The following GPHN variants were observed in gnomAD, a reference collection of about 807,000 sequenced individuals.
The protein encoded by GPHN is gephyrin.
Under a neutral mutation model 95.5 loss-of-function variants are expected in GPHN, and 17 were observed. That is an observed-to-expected ratio of 0.18 (90% CI 0.12 to 0.27). The LOEUF (loss-of-function observed/expected upper bound fraction) is 0.27, where lower values mean the gene tolerates loss of function less well. Among genes scored for constraint, GPHN ranks in the 10% least tolerant of loss-of-function variants. GPHN has a pLI of 1.00. For synonymous variants in GPHN, 320 were observed against 322.5 expected (o/e 0.99, Z 0.08); for missense variants, 660 against 978.1 (o/e 0.67, Z 4.34).
At chr14:67,607,349 C>T in the GPHN span, among the ~76,000 whole-genome samples, 1 of 152,000 alleles carries the variant, frequency 6.6e-6, no homozygotes, top group Non-Finnish European at 1.5e-5. Flanking sequence ...AGAACATGAA[C>T]ATGAGCTTTG....
Position 66,508,450 on chromosome 14 carries a change from C to T in GPHN, c.-78C>T. ...TCCCTAGCTGTCGCGCTCTCCTCGG[C>T]GAGCGCGCTCCCGGCCCGCGCGCTC... On this transcript the variant is annotated 5_prime_UTR_variant, in exon 1 of 23. Coordinates refer to ENST00000478722, the MANE Select transcript of GPHN (RefSeq NM_020806.5). 3 of 1,326,236 alleles carry T rather than the reference C, an allele frequency of 2.3e-6. No homozygotes were observed. Among genetic ancestry groups the T allele is most frequent in the Non-Finnish European group, 2.2e-6 (2 of 917,708 alleles). 82.2% of individuals were successfully genotyped at this position (1,326,236 alleles called of 1,614,324 possible). A position where few individuals can be genotyped will look rare whatever the true frequency, so the allele number is the denominator to read the frequency against.
At chr14:67,528,709 T>C in the GPHN span, among the ~76,000 whole-genome samples, 1 of 151,998 alleles carries the variant, frequency 6.6e-6, no homozygotes, top group East Asian at 1.9e-4. Context: ...CTCTTGCCCG[T>C]ATAACCCGCA....
At chr14:67,439,569 C>CTTTCTTTCTTTCTTTCTTTT in the GPHN span, among the ~76,000 whole-genome samples, 1 of 138,708 alleles carries the variant, frequency 7.2e-6, no homozygotes, top group African/African-American at 3.1e-5. Flanking sequence ...TTCTTTCTTT[C>CTTTCTTTCTTTCTTTCTTTT]TTTCTTTCTT....
the GPHN span, chr14:67,691,270 G>C: frequency 1.3e-6 from 2 of 1,549,474 alleles, no homozygotes; most frequent in Non-Finnish European, 1.8e-6. Context: ...GATGGAGCGT[G>C]GAAGTGGCTA....
At chr14:66,928,146 G>A (rs1036552849) in intron 8 of GPHN, among the ~76,000 whole-genome samples, 15 of 152,118 alleles carry the variant, frequency 9.9e-5, no homozygotes, top group African/African-American at 2.9e-4. Flanking sequence ...GTAGACTTCA[G>A]CAGTGAAGGT....
intron 9 of GPHN, among the ~76,000 whole-genome samples, chr14:66,998,733 C>A (rs2071987460): frequency 6.6e-6 from 1 of 152,092 alleles, no homozygotes; most frequent in East Asian, 1.9e-4. Context: ...ATATCACTAT[C>A]TTCTGTGTCA....
the GPHN span, among the ~76,000 whole-genome samples, chr14:67,591,465 G>A: frequency 6.6e-6 from 1 of 152,122 alleles, no homozygotes; most frequent in Admixed American, 6.6e-5. Context: ...GTGAGGCAGG[G>A]TTAACTGTAT....
chr14:67,118,442 C>T (rs759635551), intron 16 of GPHN, among the ~76,000 whole-genome samples: 3 of 152,222 alleles, frequency 2.0e-5, no homozygotes, highest in Non-Finnish European at 4.4e-5. Flanking sequence ...ATTTATCCCT[C>T]GGGCCAGGCG....
the GPHN span, chr14:67,589,725 G>T: frequency 9.9e-7 from 1 of 1,008,978 alleles, no homozygotes. Context: ...CAAGACATCT[G>T]ATGTCAGTTT....
At chr14:67,645,561 T>C in the GPHN span, 14 of 1,494,232 alleles carry the variant, frequency 9.4e-6, no homozygotes, top group African/African-American at 1.8e-4. Flanking sequence ...GGAGAGAGTA[T>C]AAGTTGTTTT....
At chr14:67,512,303 G>A in the GPHN span, among the ~76,000 whole-genome samples, 1 of 152,088 alleles carries the variant, frequency 6.6e-6, no homozygotes, top group African/African-American at 2.4e-5. Flanking sequence ...CAAATACAAA[G>A]CCTGATTTCT....
intron 5 of GPHN, among the ~76,000 whole-genome samples, chr14:66,913,949 T>C (rs1019124858): frequency 6.6e-6 from 1 of 152,062 alleles, no homozygotes; most frequent in Non-Finnish European, 1.5e-5. Flanking sequence ...GGACATTCTA[T>C]AGATGAAAAA....
At chr14:67,175,123 T>G (rs543459220) in intron 21 of GPHN, among the ~76,000 whole-genome samples, 1 of 152,338 alleles carries the variant, frequency 6.6e-6, no homozygotes, top group South Asian at 2.1e-4. Context: ...TGCCATTGCT[T>G]TTGGTGTTTT....
intron 19 of GPHN, among the ~76,000 whole-genome samples, chr14:67,160,921 G>C (rs547601976): frequency 6.6e-6 from 1 of 152,154 alleles, no homozygotes; most frequent in Non-Finnish European, 1.5e-5. Flanking sequence ...AGAATTCTTG[G>C]CTTTGTATTT....
chr14:66,706,280 T>C (rs1595626250), intron 2 of GPHN, among the ~76,000 whole-genome samples: 1 of 152,070 alleles, frequency 6.6e-6, no homozygotes, highest in East Asian at 1.9e-4. Context: ...CAAACTACCA[T>C]TGACATTATT....
At chr14:67,376,403 A>G in the GPHN span, 11 of 1,547,868 alleles carry the variant, frequency 7.1e-6, no homozygotes, top group Admixed American at 6.1e-5. Flanking sequence ...TAAATCTCTT[A>G]TCTTTGAATT....
At chr14:66,704,080 T>C (rs1283324537) in intron 2 of GPHN, among the ~76,000 whole-genome samples, 1 of 151,658 alleles carries the variant, frequency 6.6e-6, no homozygotes, top group Non-Finnish European at 1.5e-5. Flanking sequence ...AGAAGGGCAT[T>C]ACATAATGGT....
the GPHN span, chr14:67,571,641 G>T: frequency 1.4e-5 from 15 of 1,055,276 alleles, no homozygotes; most frequent in South Asian, 1.9e-4. Flanking sequence ...TCAGAGTCCC[G>T]GCTGGGGGTT....
At chr14:67,146,807 G>A (rs1054987622) in intron 18 of GPHN, among the ~76,000 whole-genome samples, 1 of 152,198 alleles carries the variant, frequency 6.6e-6, no homozygotes, top group Non-Finnish European at 1.5e-5. Flanking sequence ...CCCAAGGTGG[G>A]CAGATTGCTT....
Sources: gnomAD v4.1 joint callset for allele counts (sites outside exome capture counted in the v4.1 genomes callset) on GRCh38, gnomAD v4.1.1 for gene constraint, MANE v1.5 for transcripts, NCBI Gene and HGNC (gene_info 2026-07-23, HGNC 2026-07-21) for gene names.